PABIR2: variants seen among roughly 807,000 people sequenced by gnomAD.
PABIR2 encodes PABIR family member 2.
PABIR2 carries 7 observed loss-of-function variants against 22.8 expected under a neutral mutation model. The ratio of observed to expected loss-of-function variants is 0.31; its 90% confidence interval spans 0.17 to 0.58. The LOEUF (loss-of-function observed/expected upper bound fraction) is 0.58. Ranked by LOEUF, PABIR2 falls within the 20% of genes least tolerant of loss-of-function variation. PABIR2 has a pLI of 0.89. For missense variants in PABIR2, 155 were observed against 205.1 expected (o/e 0.76, Z 1.49); for synonymous variants, 67 against 73.8 (o/e 0.91, Z 0.47).
rs771599651 is a variant in PABIR2, at chrX:134,796,593, G to C, written c.-388C>G. On this transcript the variant is annotated 5_prime_UTR_variant, in exon 1 of 10. Coordinates refer to ENST00000343004, the MANE Select transcript of PABIR2 (RefSeq NM_001387468.1). ...AGAGAGGATAAGAGGAGGGCAGAGG[G>C]GGGAAAGGGAGAGGAAGGGGGCGGA... 1 of 94,792 alleles carries C rather than the reference G, an allele frequency of 1.1e-5. No homozygotes were observed. Among genetic ancestry groups the C allele is most frequent in the Non-Finnish European group, 2.1e-5 (1 of 47,293 alleles). 7.8% of individuals were successfully genotyped at this position (94,792 alleles called of 1,213,427 possible).
chrX:134,788,991 A>C lies in PABIR2; in HGVS notation c.333+94T>G, dbSNP rs908245665. 5.5e-6 allele frequency: 6 copies of C among 1,083,205 alleles called. No homozygotes were observed. The African/African-American group carries it at 1.1e-4, about 20-fold the overall frequency. The allele number at this position is 1,083,205 out of a possible 1,213,427, so 89.3% of individuals were successfully genotyped here. A position where few individuals can be genotyped will look rare whatever the true frequency, so the allele number is the denominator to read the frequency against. On this transcript the variant is annotated intron_variant, in intron 5 of 9. Coordinates refer to ENST00000343004, the MANE Select transcript of PABIR2 (RefSeq NM_001387468.1). ...AAACAAGTATCAATTTGGAAGTAGA[A>C]GGGGAAAGAAGTGTGCGAAAAAATT...
At chrX:134,791,598 C>T (rs762922093) in intron 2 of PABIR2, 5 of 326,541 alleles carry the variant, frequency 1.5e-5, no homozygotes, top group African/African-American at 5.4e-5. Flanking sequence ...GATGATAGAC[C>T]GAGCAAAGCA....
Position 134,796,552 on chromosome X carries a change from G to A in PABIR2, c.-347C>T, listed in dbSNP as rs1322237329. 2.2e-5 allele frequency: 3 copies of A among 133,525 alleles called. No individual in the cohort carries two copies. The Admixed American group carries it at 2.6e-4, about 11-fold the overall frequency. The allele number at this position is 133,525 out of a possible 1,213,427, so 11.0% of individuals were successfully genotyped here. Reference sequence around the variant, plus strand: ...GGAAGAGGGAGGGAAAAGGATAGGTGGAAAAGCAGGAGGACAGAGAGGATA... The same window carrying A: ...GGAAGAGGGAGGGAAAAGGATAGGTAGAAAAGCAGGAGGACAGAGAGGATA... On this transcript the variant is annotated 5_prime_UTR_variant, in exon 1 of 10. Transcript: ENST00000343004.
intron 6 of PABIR2, 69 bp from the exon 7 acceptor site, chrX:134,787,602 TTTTC>T (rs1257715330): frequency 4.2e-5 from 33 of 789,196 alleles, no homozygotes; most frequent in East Asian, 7.4e-5. Context: ...AGCACTCCAG[TTTTC>T]TTTCTTTTTT....
intron 2 of PABIR2, 151 bp downstream of exon 2, chrX:134,793,664 A>G: frequency 1.4e-6 from 1 of 722,138 alleles, no homozygotes; most frequent in Non-Finnish European, 2.1e-6. Context: ...CCAAAAGCTG[A>G]ATGGCCACAG....
intron 6 of PABIR2, among the ~76,000 whole-genome samples, chrX:134,788,436 C>CGTTATATATGT (rs1360107356): frequency 1.2e-5 from 1 of 86,735 alleles, no homozygotes; most frequent in Non-Finnish European, 2.0e-5. Flanking sequence ...AATATATACA[C>CGTTATATATGT]GTTATATATG....
rs1208679410 is a variant in PABIR2, at chrX:134,771,761, A to G, written c.*378T>C. The stretch of plus-strand genomic sequence containing the variant: ...AATCTCTCAAGCAAGAGAATTTCTG[A>G]TCAAATCTGTCATATCACTGCTGCG... On this transcript the variant is annotated 3_prime_UTR_variant, in exon 10 of 10. Transcript: ENST00000343004. The G allele has an allele frequency of 1.2e-6, 1 of 807,366 alleles. No individual in the cohort carries two copies. The highest frequency in any genetic ancestry group is 9.5e-5 in the East Asian group (1 of 10,515). The allele number at this position is 807,366 out of a possible 1,213,427, so 66.5% of individuals were successfully genotyped here.
intron 2 of PABIR2, among the ~76,000 whole-genome samples, chrX:134,793,395 A>G (rs1206283036): frequency 1.8e-5 from 2 of 112,625 alleles, no homozygotes; most frequent in Non-Finnish European, 3.7e-5. Context: ...GAATATAAAT[A>G]CAAGCATTTT....
At position 134,775,147 on chromosome X, in the gene PABIR2, A is replaced by AC. The variant is rs201927936; in HGVS notation, c.660-2865dup. 1.3e-4 allele frequency among the ~76,000 whole-genome samples: 15 copies of AC among 112,203 alleles called. No individual in the cohort carries two copies. The East Asian group carries it at 4.2e-3, about 31-fold the overall frequency. On this transcript the variant is annotated intron_variant, in intron 9 of 9. Coordinates refer to ENST00000343004, the MANE Select transcript of PABIR2 (RefSeq NM_001387468.1). ...AAAGGATCTGGACAATTCAAATTGG[A>AC]CATAGGAATCCTTGAATCAAAACTG...
At chrX:134,786,074 C>T in intron 7 of PABIR2, 124 bp from the exon 8 acceptor site, 2 of 626,580 alleles carry the variant, frequency 3.2e-6, no homozygotes, top group Non-Finnish European at 5.1e-6. Context: ...ATGGAAAATT[C>T]TTCTGTAATT....
chrX:134,770,648 A>G lies in PABIR2; in HGVS notation c.*1491T>C, dbSNP rs1311317361. 8.8e-6 allele frequency: 1 copy of G among 113,026 alleles called. No individual in the cohort carries two copies. The highest frequency in any genetic ancestry group is 1.9e-5 in the Non-Finnish European group (1 of 53,348). The allele number at this position is 113,026 out of a possible 1,213,427, so 9.3% of individuals were successfully genotyped here. A position where few individuals can be genotyped will look rare whatever the true frequency, so the allele number is the denominator to read the frequency against. On this transcript the variant is annotated 3_prime_UTR_variant, in exon 10 of 10. Transcript: ENST00000343004. The stretch of plus-strand genomic sequence containing the variant: ...TTATGATTCCAGCAGGCAAATCTGC[A>G]TATTAAATATAGACAACCCAACCAC...
At chrX:134,779,524 G>A (rs780171160) in intron 9 of PABIR2, among the ~76,000 whole-genome samples, 4 of 112,030 alleles carry the variant, frequency 3.6e-5, no homozygotes, top group Admixed American at 9.4e-5. Flanking sequence ...GGGGAGTAGT[G>A]ACAAGGAAAT....
chrX:134,789,058 A>G lies in PABIR2; in HGVS notation c.333+27T>C. On this transcript the variant is annotated intron_variant, in intron 5 of 9. Transcript: ENST00000343004. ...AACATAAAAGTTTCTAGAAAATGAA[A>G]ACCAAACAGACATGAGCAAACTTTA... 3 of 1,211,077 alleles carry G rather than the reference A, an allele frequency of 2.5e-6. 1 individual carries two copies. In the South Asian group the frequency reaches 5.3e-5, roughly 21 times the overall value.
intron 2 of PABIR2, among the ~76,000 whole-genome samples, chrX:134,792,902 A>G (rs1189073077): frequency 8.9e-6 from 1 of 112,475 alleles, no homozygotes; most frequent in Non-Finnish European, 1.9e-5. Flanking sequence ...ATGATTCTAC[A>G]CCAGTGACAC....
At position 134,796,420 on chromosome X, in the gene PABIR2, T is replaced by C; in HGVS notation, c.-215A>G. On this transcript the variant is annotated 5_prime_UTR_variant, in exon 1 of 10. Transcript: ENST00000343004. ...GATGATGATGAGGAAGGGAGGATGA[T>C]GGTGAGGCAGGAGAGGAGGACGAAG... 1 of 373,750 alleles carries C rather than the reference T, an allele frequency of 2.7e-6. No homozygotes were observed. Among genetic ancestry groups the C allele is most frequent in the Non-Finnish European group, 4.6e-6 (1 of 216,006 alleles). 30.8% of individuals were successfully genotyped at this position (373,750 alleles called of 1,213,427 possible). A position where few individuals can be genotyped will look rare whatever the true frequency, so the allele number is the denominator to read the frequency against.
chrX:134,785,996 G>A, intron 7 of PABIR2, 46 bp from the exon 8 acceptor site: 1 of 1,134,012 alleles, frequency 8.8e-7, no homozygotes, highest in African/African-American at 1.8e-5. Flanking sequence ...CATCCACGAT[G>A]CAAGATAAAA....
intron 2 of PABIR2, among the ~76,000 whole-genome samples, chrX:134,792,730 T>C (rs897732748): frequency 8.9e-6 from 1 of 112,488 alleles, no homozygotes; most frequent in African/African-American, 3.2e-5. Flanking sequence ...CTTCTTTTAA[T>C]TGGGAAAAAT....
At chrX:134,785,278 T>A (rs2079277948) in intron 8 of PABIR2, among the ~76,000 whole-genome samples, 1 of 111,800 alleles carries the variant, frequency 8.9e-6, no homozygotes. Flanking sequence ...GAGTTCTAGT[T>A]TTTAATTCAA....
chrX:134,795,178 G>A (rs748290713), intron 1 of PABIR2, among the ~76,000 whole-genome samples: 1 of 111,902 alleles, frequency 8.9e-6, no homozygotes, highest in East Asian at 2.8e-4. Flanking sequence ...AAATGAAAAA[G>A]TCAACCTGTT....
Sources: gnomAD v4.1 joint callset for allele counts (sites outside exome capture counted in the v4.1 genomes callset) on GRCh38, gnomAD v4.1.1 for gene constraint, MANE v1.5 for transcripts, NCBI Gene and HGNC (gene_info 2026-07-23, HGNC 2026-07-21) for gene names.